Variants in CFAP54 observed in about 807,000 individuals in gnomAD.
The protein encoded by CFAP54 is cilia and flagella associated protein 54.
Under a neutral mutation model 370.4 loss-of-function variants are expected in CFAP54, and 290 were observed. That is an observed-to-expected ratio of 0.78 (90% CI 0.71 to 0.86). CFAP54 has a LOEUF of 0.86. Among genes scored for constraint, CFAP54 ranks in the 40% least tolerant of loss-of-function variants. The probability of loss-of-function intolerance (pLI) is 0.00; values close to 1 mark genes in which losing one functional copy is unlikely to be tolerated. For missense variants in CFAP54, 3,399 were observed against 3,528.7 expected (o/e 0.96, Z 0.93); for synonymous variants, 1,206 against 1,236.5 (o/e 0.98, Z 0.52).
intron 48 of CFAP54, among the ~76,000 whole-genome samples, chr12:96,712,880 C>G (rs1670711346): frequency 1.3e-5 from 2 of 151,912 alleles, no homozygotes; most frequent in African/African-American, 4.8e-5. Flanking sequence ...GGCAAAAGAC[C>G]TGGATAGATA....
At chr12:96,668,133 C>T (rs1161210616) in intron 39 of CFAP54, among the ~76,000 whole-genome samples, 1 of 152,206 alleles carries the variant, frequency 6.6e-6, no homozygotes, top group Non-Finnish European at 1.5e-5. Context: ...TTTCCCACAT[C>T]TTCATTTCTT....
chr12:96,545,147 A>G (rs746478825), intron 14 of CFAP54, among the ~76,000 whole-genome samples: 10 of 152,094 alleles, frequency 6.6e-5, no homozygotes, highest in Non-Finnish European at 1.3e-4. Flanking sequence ...TCCTGACCTC[A>G]GGTGATCCAC....
In CFAP54 at chr12:96,623,844, C is replaced by T. The variant is rs1471675199; in HGVS notation, c.3849C>T (p.Ala1283=). The T allele has an allele frequency of 6.5e-7, 1 of 1,535,478 alleles. No homozygotes were observed. Among genetic ancestry groups the T allele is most frequent in the Non-Finnish European group, 8.7e-7 (1 of 1,146,592 alleles). Residue 1283 remains alanine (A), a synonymous_variant, in exon 28 of 68, where the codon GCC becomes GCT. Coordinates refer to ENST00000524981, the MANE Select transcript of CFAP54 (RefSeq NM_001306084.2). ...CTGAAAAGATAAATGAACAGCTGGC[C>T]TTGTTGGAGACACACCTACTCAAAC... The part of the protein sequence containing the change: ...LLPEKINEQL[A]LLETHLLKLT...
At chr12:96,686,330 C>T (rs1212143988) in intron 42 of CFAP54, among the ~76,000 whole-genome samples, 1 of 152,204 alleles carries the variant, frequency 6.6e-6, no homozygotes, top group Non-Finnish European at 1.5e-5. Context: ...TTACCTCTTT[C>T]AATGCCCTGT....
intron 48 of CFAP54, among the ~76,000 whole-genome samples, chr12:96,717,216 C>T (rs558643432): frequency 9.9e-4 from 151 of 152,280 alleles, no homozygotes; most frequent in African/African-American, 3.3e-3. Context: ...TTTTGTACCA[C>T]GTTCAGGCAT....
intron 32 of CFAP54, among the ~76,000 whole-genome samples, chr12:96,632,696 C>T (rs815901): frequency 0.19 from 29,459 of 151,852 alleles, 3,478 homozygotes; most frequent in South Asian, 0.32. Flanking sequence ...TCTTTTCCTT[C>T]GTGCAAGTCT....
intron 67 of CFAP54, among the ~76,000 whole-genome samples, chr12:96,866,634 T>G (rs934483978): frequency 3.0e-4 from 46 of 152,154 alleles, no homozygotes; most frequent in Non-Finnish European, 4.1e-4. Flanking sequence ...CTAAGTAGTT[T>G]CACAACTTGC....
At chr12:96,677,311 G>GA (rs1279639011) in intron 39 of CFAP54, among the ~76,000 whole-genome samples, 1 of 152,076 alleles carries the variant, frequency 6.6e-6, no homozygotes, top group East Asian at 1.9e-4. Context: ...AGCACCTGAT[G>GA]AGAAATAAAT....
chr12:96,787,555 T>G (rs1251725473), intron 62 of CFAP54, among the ~76,000 whole-genome samples: 1 of 152,194 alleles, frequency 6.6e-6, no homozygotes, highest in Non-Finnish European at 1.5e-5. Context: ...CCAAAATGAA[T>G]GTGTTAAAAG....
chr12:96,806,208 ATATAT>A lies in CFAP54; in HGVS notation c.8851-5527_8851-5523del, dbSNP rs1565984948. 6.1e-3 allele frequency among the ~76,000 whole-genome samples: 539 copies of A among 88,990 alleles called. 21 individuals carry two copies. Among genetic ancestry groups the A allele is most frequent in the African/African-American group, 8.6e-3 (191 of 22,090 alleles). 58.4% of individuals were successfully genotyped at this position (88,990 alleles called of 152,430 possible). On this transcript the variant is annotated intron_variant, in intron 63 of 67. Transcript: ENST00000524981. The stretch of plus-strand genomic sequence containing the variant: ...TATATATATATATATATATATATAT[ATATAT>A]AATAACAACATAAAAAGAAAGTTGG...
intron 51 of CFAP54, among the ~76,000 whole-genome samples, chr12:96,741,664 T>C (rs954260735): frequency 3.3e-5 from 5 of 152,188 alleles, no homozygotes; most frequent in African/African-American, 1.2e-4. Flanking sequence ...ATTTTAAAGT[T>C]CCTAGTGTCT....
rs563684456 is a variant in CFAP54, at chr12:96,620,339, G to A, written c.3640-1251G>A. 2.6e-5 allele frequency among the ~76,000 whole-genome samples: 4 copies of A among 152,268 alleles called. No individual in the cohort carries two copies. The South Asian group carries it at 6.2e-4, about 24-fold the overall frequency. ...TGTGAAGTAATTGAATCATGGGGGC[G>A]GGTCTTTCCTGTGCTGTTCTGGTGA... On this transcript the variant is annotated intron_variant, in intron 26 of 67. Coordinates refer to ENST00000524981, the MANE Select transcript of CFAP54 (RefSeq NM_001306084.2).
chr12:96,683,513 G>A (rs911656262), intron 40 of CFAP54, among the ~76,000 whole-genome samples: 5 of 152,278 alleles, frequency 3.3e-5, no homozygotes, highest in African/African-American at 4.8e-5. Flanking sequence ...AACGAAGTTC[G>A]ATGTGAATTC....
intron 62 of CFAP54, among the ~76,000 whole-genome samples, chr12:96,788,914 T>C (rs1958654883): frequency 6.6e-6 from 1 of 152,152 alleles, no homozygotes; most frequent in Non-Finnish European, 1.5e-5. Flanking sequence ...GCATGCCCAA[T>C]GCTCAGCAAC....
At chr12:96,668,728 G>A (rs570847506) in intron 39 of CFAP54, among the ~76,000 whole-genome samples, 63 of 152,272 alleles carry the variant, frequency 4.1e-4, no homozygotes, top group Middle Eastern at 6.8e-3. Context: ...AGATGAAAAT[G>A]GAAATAATAC....
At chr12:96,657,854 AT>A (rs10710617) in intron 36 of CFAP54, 27 bp from the exon 37 acceptor site, 1,013,174 of 1,317,990 alleles carry the variant, frequency 0.77, 386,088 homozygotes, top group East Asian at 0.89. Context: ...GAAATTACAC[AT>A]TTTTTTTTTC....
intron 60 of CFAP54, among the ~76,000 whole-genome samples, chr12:96,783,608 C>T (rs1347555149): frequency 1.3e-5 from 2 of 152,332 alleles, no homozygotes; most frequent in Middle Eastern, 3.4e-3. Flanking sequence ...AGTAAGAGGT[C>T]GGGCGCAGTG....
chr12:96,693,172 G>A (rs1217780876), intron 44 of CFAP54, among the ~76,000 whole-genome samples: 2 of 152,208 alleles, frequency 1.3e-5, no homozygotes, highest in Admixed American at 1.3e-4. Context: ...GCAGGGACTT[G>A]TTAGATTTTG....
chr12:96,666,663 G>A (rs1002180030), intron 39 of CFAP54, among the ~76,000 whole-genome samples: 1 of 152,172 alleles, frequency 6.6e-6, no homozygotes, highest in African/African-American at 2.4e-5. Flanking sequence ...CGATGATTCA[G>A]TTACCTCCCA....
Sources: allele counts gnomAD v4.1 joint callset (sites outside exome capture counted in the v4.1 genomes callset), GRCh38; gene constraint gnomAD v4.1.1; transcripts MANE v1.5; gene names NCBI Gene and HGNC (gene_info 2026-07-23, HGNC 2026-07-21).